Variants in PHYH observed in about 807,000 individuals in gnomAD.
PHYH encodes the protein phytanoyl-CoA dioxygenase, peroxisomal.
A neutral mutation model predicts 38.5 loss-of-function variants in PHYH; 32 were observed. That is an observed-to-expected ratio of 0.83 (90% confidence interval 0.63 to 1.12). The LOEUF is 1.12. Ranked by LOEUF, PHYH falls within the 50% of genes most tolerant of loss-of-function variation. PHYH has a pLI of 0.00. For missense variants in PHYH, 426 were observed against 434.8 expected, an observed-to-expected ratio of 0.98 and a Z score of 0.18; for synonymous variants, 166 against 157.9, an observed-to-expected ratio of 1.05 and a Z score of -0.38.
At chr10:13,283,129 C>A (rs1835454063) in intron 7 of PHYH, among the ~76,000 whole-genome samples, 2 of 49,448 alleles carry the variant, frequency 4.0e-5, no homozygotes. Flanking sequence ...CTTTCATAAT[C>A]AATTTTTTTT....
In PHYH at chr10:13,288,477, A is replaced by G. The variant is rs750619261; in HGVS notation, c.561T>C (p.Asp187=). ...DLHYFPFRPS[D]LIVCAWTAME... ...TCGCCGTCCAGGCGCAAACGATGAG[A>G]TCGCTGGGCCTGAAGGGGAAATAGT... The change falls in exon 6 of 9, where the codon GAT becomes GAC. Residue 187 remains aspartate (D), a synonymous_variant. Coordinates refer to ENST00000263038, the MANE Select transcript of PHYH (RefSeq NM_006214.4). 6.2e-7 allele frequency: 1 copy of G among 1,614,208 alleles called. No homozygotes were observed. Among genetic ancestry groups the G allele is most frequent in the Admixed American group, 1.7e-5 (1 of 60,030 alleles).
At chr10:13,283,275 G>A (rs1008885348) in intron 7 of PHYH, among the ~76,000 whole-genome samples, 10 of 151,728 alleles carry the variant, frequency 6.6e-5, no homozygotes, top group Middle Eastern at 3.4e-3. Flanking sequence ...GACTACAGGC[G>A]CCCGCCACCT....
At chr10:13,281,734 G>A (rs912820610) in intron 7 of PHYH, among the ~76,000 whole-genome samples, 5 of 152,144 alleles carry the variant, frequency 3.3e-5, no homozygotes, top group Non-Finnish European at 5.9e-5. Context: ...CAAGGCAATC[G>A]TTAAAACTTA....
intron 5 of PHYH, among the ~76,000 whole-genome samples, chr10:13,290,895 G>A (rs1202456934): frequency 2.0e-5 from 3 of 152,014 alleles, no homozygotes; most frequent in Non-Finnish European, 4.4e-5. Context: ...TCAGGAGTTC[G>A]AGACCAGCCT....
chr10:13,293,787 T>A (rs1835770420), intron 4 of PHYH, among the ~76,000 whole-genome samples: 1 of 152,178 alleles, frequency 6.6e-6, no homozygotes, highest in Non-Finnish European at 1.5e-5. Context: ...ATTTTTGAAA[T>A]CATGAGTTTG....
At position 13,289,416 on chromosome 10, in the gene PHYH, T is replaced by C. The variant is rs557657375; in HGVS notation, c.497-875A>G. Among the ~76,000 whole-genome samples, 1,274 of 151,940 alleles carry C rather than the reference T, an allele frequency of 8.4e-3. 21 individuals carry two copies. Among genetic ancestry groups the C allele is most frequent in the African/African-American group, 0.027 (1,119 of 41,466 alleles). ...TTCACTGTGTTAGCCAGGATGGTCT[T>C]GATCTCCTGACCTCGTGATCCGCCC... On this transcript the variant is annotated intron_variant, in intron 5 of 8. Transcript: ENST00000263038.
intron 6 of PHYH, among the ~76,000 whole-genome samples, chr10:13,287,945 C>T (rs940735082): frequency 4.6e-5 from 7 of 152,082 alleles, no homozygotes; most frequent in Admixed American, 2.6e-4. Context: ...TTAGGGAGGC[C>T]GAGGTGAACA....
At chr10:13,298,112 TG>T in intron 2 of PHYH, 74 bp downstream of exon 2, 1 of 835,394 alleles carries the variant, frequency 1.2e-6, no homozygotes, top group Non-Finnish European at 2.1e-6. Context: ...ACATATTATG[TG>T]GTATATCTTC....
rs142896677 is a variant in PHYH at position 13,286,576 on chromosome 10, C to T, written c.678+1784G>A. Among the ~76,000 whole-genome samples, 849 of 151,976 alleles carry T rather than the reference C, an allele frequency of 5.6e-3. 14 individuals are homozygous for T. Among genetic ancestry groups the T allele is most frequent in the African/African-American group, 0.019 (783 of 41,464 alleles). On this transcript the variant is annotated intron_variant, in intron 6 of 8. Transcript: ENST00000263038. ...ATTAGCTGAGCATGGTGGCTTGTGC[C>T]TGTAGTCCCAGCTACTCGGGAGGCT...
intron 4 of PHYH, among the ~76,000 whole-genome samples, chr10:13,292,273 G>C (rs184865077): frequency 6.6e-6 from 1 of 152,174 alleles, no homozygotes; most frequent in African/African-American, 2.4e-5. Flanking sequence ...CTCTGCATAC[G>C]AAGAGTCCCA....
At chr10:13,289,349 C>T (rs1266125695) in intron 5 of PHYH, among the ~76,000 whole-genome samples, 1 of 152,076 alleles carries the variant, frequency 6.6e-6, no homozygotes, top group East Asian at 1.9e-4. Flanking sequence ...GCGCCCGCCA[C>T]CACGCCCGGC....
In PHYH at chr10:13,283,764, T is replaced by C; in HGVS notation, c.754A>G (p.Lys252Glu). The C allele has an allele frequency of 6.2e-7, 1 of 1,613,984 alleles. No individual in the cohort carries two copies. Among genetic ancestry groups the C allele is most frequent in the Non-Finnish European group, 8.5e-7 (1 of 1,179,906 alleles). ...GGATGGAAGAAAACAGTGTCGCCCTTCTCCATCACCAGGTGCACCCGGGCC... is the reference window on the plus strand; with the variant it reads ...GGATGGAAGAAAACAGTGTCGCCCTCCTCCATCACCAGGTGCACCCGGGCC... ...NKARVHLVME[K>E]GDTVFFHPLL... Residue 252 changes from lysine (K) to glutamate (E), a missense_variant, in exon 7 of 9, where the codon AAG (lysine) becomes GAG (glutamate). Lys to Glu is a moderately conservative substitution (Grantham distance 56). Coordinates refer to ENST00000263038, the MANE Select transcript of PHYH (RefSeq NM_006214.4).
intron 5 of PHYH, among the ~76,000 whole-genome samples, chr10:13,291,085 C>G (rs1347788735): frequency 3.7e-4 from 22 of 59,610 alleles, no homozygotes; most frequent in Non-Finnish European, 5.9e-4. Flanking sequence ...GCCTGGGCAA[C>G]AAGAGCAAAA....
At chr10:13,290,427 G>A (rs1224208906) in intron 5 of PHYH, among the ~76,000 whole-genome samples, 2 of 152,086 alleles carry the variant, frequency 1.3e-5, no homozygotes, top group African/African-American at 2.4e-5. Flanking sequence ...TGTGGCTCCC[G>A]AACACCTGCT....
At chr10:13,289,348 A>C (rs2131642171) in intron 5 of PHYH, among the ~76,000 whole-genome samples, 1 of 152,056 alleles carries the variant, frequency 6.6e-6, no homozygotes. Context: ...GGCGCCCGCC[A>C]CCACGCCCGG....
intron 5 of PHYH, among the ~76,000 whole-genome samples, chr10:13,290,241 G>C (rs1247829849): frequency 6.6e-6 from 1 of 151,468 alleles, no homozygotes; most frequent in Non-Finnish European, 1.5e-5. Flanking sequence ...GTTGCAGTAA[G>C]CCGAGATTGA....
At chr10:13,292,059 G>C (rs1835725606) in intron 4 of PHYH, 147 bp from the exon 5 acceptor site, 2 of 665,828 alleles carry the variant, frequency 3.0e-6, no homozygotes, top group Admixed American at 2.4e-5. Context: ...TGCAAACAAA[G>C]CATGAAAAAC....
chr10:13,299,204 A>AC (rs1832672701), intron 1 of PHYH, among the ~76,000 whole-genome samples: 1 of 151,820 alleles, frequency 6.6e-6, no homozygotes, highest in African/African-American at 2.4e-5. Flanking sequence ...CGGTAACTGC[A>AC]GAGAGTTGAC....
intron 5 of PHYH, among the ~76,000 whole-genome samples, chr10:13,291,099 C>T (rs1487428662): frequency 1.2e-4 from 10 of 84,546 alleles, no homozygotes; most frequent in Non-Finnish European, 2.4e-4. Context: ...AGCAAAACTC[C>T]ATCTCAAAAA....
Sources: gnomAD v4.1 joint callset for allele counts (sites outside exome capture counted in the v4.1 genomes callset) on GRCh38, gnomAD v4.1.1 for gene constraint, MANE v1.5 for transcripts, NCBI Gene and HGNC (gene_info 2026-07-23, HGNC 2026-07-21) for gene names.